Variants in MTRR observed in about 807,000 individuals in gnomAD.
The protein encoded by MTRR is methionine synthase reductase.
Under a neutral mutation model 79.2 loss-of-function variants are expected in MTRR, and 63 were observed. That is an observed-to-expected ratio of 0.80 (90% confidence interval 0.65 to 0.98). The LOEUF is 0.98. Among genes scored for constraint, MTRR ranks in the 50% least tolerant of loss-of-function variants. The pLI is 0.00. For synonymous variants in MTRR, 355 were observed against 313.3 expected (o/e 1.13, Z -1.41); for missense variants, 895 against 839.6 (o/e 1.07, Z -0.82).
Position 7,900,708 on chromosome 5 carries a change from A to T in MTRR, c.*650A>T, listed in dbSNP as rs1256637669. On this transcript the variant is annotated 3_prime_UTR_variant, in exon 15 of 15. Transcript: ENST00000440940. ...TCTGGCATATGATTTATCTATCACC[A>T]TTACTTTTTTTTAAGTCACAATTTC... 1 of 152,664 alleles carries T rather than the reference A, an allele frequency of 6.6e-6. No individual in the cohort carries two copies. The highest frequency in any genetic ancestry group is 1.5e-5 in the Non-Finnish European group (1 of 68,094). The allele number at this position is 152,664 out of a possible 1,614,324, so 9.5% of individuals were successfully genotyped here. A position where few individuals can be genotyped will look rare whatever the true frequency, so the allele number is the denominator to read the frequency against.
chr5:7,886,205 TTA>T (rs1736397196), intron 7 of MTRR, among the ~76,000 whole-genome samples: 1 of 152,148 alleles, frequency 6.6e-6, no homozygotes, highest in Non-Finnish European at 1.5e-5. Flanking sequence ...TGCTCATTTA[TTA>T]TATAAAATAA....
rs1371179995 is a variant in MTRR at position 7,897,057 on chromosome 5, T to G, written c.1770-8T>G. On this transcript the variant is annotated splice_polypyrimidine_tract_variant and splice_region_variant and intron_variant, in intron 13 of 14. Transcript: ENST00000440940. ...CCTTTTAGTGATCCATTATATATTA[T>G]ATTTCAGAAAAGAGCTCAGACATTT... 1.2e-6 allele frequency: 2 copies of G among 1,613,824 alleles called. No individual in the cohort carries two copies. The highest frequency in any genetic ancestry group is 1.3e-5 in the African/African-American group (1 of 75,034).
At chr5:7,858,311 T>C (rs939199726) in intron 1 of MTRR, among the ~76,000 whole-genome samples, 7 of 152,266 alleles carry the variant, frequency 4.6e-5, no homozygotes, top group Admixed American at 1.3e-4. Flanking sequence ...ATCTAAGAGC[T>C]GTGAAAAAGT....
Position 7,870,781 on chromosome 5 carries a change from C to T in MTRR, c.-14C>T, listed in dbSNP as rs770062624. 1 of 1,614,160 alleles carries T rather than the reference C, an allele frequency of 6.2e-7. No individual in the cohort carries two copies. The highest frequency in any genetic ancestry group is 8.5e-7 in the Non-Finnish European group (1 of 1,180,024). On this transcript the variant is annotated 5_prime_UTR_variant, in exon 2 of 15. Coordinates refer to ENST00000440940, the MANE Select transcript of MTRR (RefSeq NM_002454.3). ...CCCCCATTTTTCAGTTTCACTGTTA[C>T]ATGCCTTGAAGTGATGAGGAGGTTT...
chr5:7,857,660 C>G (rs558581801), intron 1 of MTRR, among the ~76,000 whole-genome samples: 1 of 152,156 alleles, frequency 6.6e-6, no homozygotes, highest in Admixed American at 6.5e-5. Context: ...GTCAGGGTGC[C>G]GGAGGCCTCA....
chr5:7,859,379 T>C (rs1746370635), intron 1 of MTRR: 1 of 1,087,482 alleles, frequency 9.2e-7, no homozygotes, highest in Non-Finnish European at 1.4e-6. Flanking sequence ...TTTCTTTTAA[T>C]ACTGAGTTCC....
chr5:7,873,005 T>C (rs1442653273), intron 2 of MTRR, among the ~76,000 whole-genome samples: 1 of 152,174 alleles, frequency 6.6e-6, no homozygotes, highest in African/African-American at 2.4e-5. Flanking sequence ...GGCAAAGAGT[T>C]GACTATATCC....
At chr5:7,868,157 T>C (rs1747176029), upstream of MTRR, 10 of 844,124 alleles carry the variant, frequency 1.2e-5, no homozygotes, top group Non-Finnish European at 1.7e-5. Flanking sequence ...GAGAACATGA[T>C]TGACCCAACA....
In MTRR at chr5:7,889,181, C is replaced by G. The variant is rs752174231; in HGVS notation, c.1233C>G (p.Ala411=). The part of the protein sequence containing the change: ...LQELCSKQGA[A]DYSRFVRDAC... ...AGCTGTGCAGTAAACAAGGGGCAGC[C>G]GATTATAGCCGCTTTGTACGAGATG... is the stretch of plus-strand genomic sequence containing the variant. The change falls in exon 9 of 15, where the codon GCC becomes GCG. Residue 411 remains alanine, a synonymous_variant. Coordinates refer to ENST00000440940, the MANE Select transcript of MTRR (RefSeq NM_002454.3). 1.2e-6 allele frequency: 2 copies of G among 1,613,870 alleles called. No individual in the cohort carries two copies. The highest frequency in any genetic ancestry group is 1.7e-6 in the Non-Finnish European group (2 of 1,180,032).
chr5:7,861,565 CACA>C (rs1746539856), intron 1 of MTRR: 1 of 1,536,006 alleles, frequency 6.5e-7, no homozygotes, highest in Non-Finnish European at 8.8e-7. Flanking sequence ...ATGTGAAAAA[CACA>C]ACATTTTCCT....
intron 1 of MTRR, among the ~76,000 whole-genome samples, chr5:7,852,742 T>G (rs941406912): frequency 2.0e-4 from 8 of 39,318 alleles, no homozygotes; most frequent in African/African-American, 5.5e-4. Context: ...CCAAATATGT[T>G]TTTTTTTTTT....
intron 1 of MTRR, chr5:7,861,828 T>C (rs1746570212): frequency 7.7e-7 from 1 of 1,299,284 alleles, no homozygotes; most frequent in African/African-American, 1.5e-5. Context: ...TCAATTGGCT[T>C]TATGATCAAT....
intron 2 of MTRR, 102 bp downstream of exon 2, chr5:7,871,025 CTT>C (rs1747890284): frequency 7.4e-7 from 1 of 1,356,720 alleles, no homozygotes. Flanking sequence ...ACCACATAGT[CTT>C]TGTTTTTTAA....
At chr5:7,892,081 T>C (rs62342552) in intron 10 of MTRR, among the ~76,000 whole-genome samples, 33,367 of 152,082 alleles carry the variant, frequency 0.22, 4,409 homozygotes, top group Non-Finnish European at 0.29. Flanking sequence ...CACTGGCTTA[T>C]AGGATTCTCC....
At chr5:7,854,960 T>C (rs1340972251) in intron 1 of MTRR, among the ~76,000 whole-genome samples, 4 of 152,214 alleles carry the variant, frequency 2.6e-5, no homozygotes, top group African/African-American at 4.8e-5. Flanking sequence ...TCAAGCCAAA[T>C]TGAAGCAAGT....
At chr5:7,855,148 C>A (rs1746202971) in intron 1 of MTRR, among the ~76,000 whole-genome samples, 1 of 152,150 alleles carries the variant, frequency 6.6e-6, no homozygotes, top group Non-Finnish European at 1.5e-5. Flanking sequence ...TAAGAGACTT[C>A]AGTGGTAGAA....
At chr5:7,884,636 T>A (rs568382387) in intron 6 of MTRR, among the ~76,000 whole-genome samples, 1 of 152,322 alleles carries the variant, frequency 6.6e-6, no homozygotes, top group South Asian at 2.1e-4. Context: ...TAGTCTGAGA[T>A]GTGCCTCGAT....
At chr5:7,882,850 A>T (rs1735787163) in intron 5 of MTRR, among the ~76,000 whole-genome samples, 1 of 152,162 alleles carries the variant, frequency 6.6e-6, no homozygotes. Flanking sequence ...ATTTGCAGAC[A>T]TTCTGTTTCC....
intron 2 of MTRR, chr5:7,862,693 C>G: frequency 1.3e-6 from 1 of 764,384 alleles, no homozygotes; most frequent in Non-Finnish European, 2.1e-6. Flanking sequence ...CTAACCCCAA[C>G]TTGCCTTCAG....
Sources: gnomAD v4.1 joint callset for allele counts (sites outside exome capture counted in the v4.1 genomes callset) on GRCh38, gnomAD v4.1.1 for gene constraint, MANE v1.5 for transcripts, NCBI Gene and HGNC (gene_info 2026-07-23, HGNC 2026-07-21) for gene names.